The following PSMA1 variants were observed in gnomAD, a reference collection of about 807,000 sequenced individuals.
The protein encoded by PSMA1 is proteasome subunit alpha type-1.
Under a neutral mutation model 38.4 loss-of-function variants are expected in PSMA1, and 3 were observed. That is an observed-to-expected ratio of 0.08 (90% CI 0.04 to 0.20). The LOEUF is 0.20. PSMA1 is among the 10% of genes least tolerant of loss of function. The pLI is 1.00. For synonymous variants in PSMA1, 101 were observed against 107.1 expected (o/e 0.94, Z 0.35); for missense variants, 227 against 325.3 (o/e 0.70, Z 2.32).
In PSMA1 at chr11:14,606,420, G is replaced by GAAAAAGAA. The variant is rs1239983759; in HGVS notation, c.21+4538_21+4545dup. Among the ~76,000 whole-genome samples the GAAAAAGAA allele has an allele frequency of 2.8e-5, 4 of 141,414 alleles. No homozygotes were observed. The South Asian group carries it at 8.9e-4, about 31-fold the overall frequency. The allele number at this position is 141,414 out of a possible 152,430, so 92.8% of individuals were successfully genotyped here. On this transcript the variant is annotated intron_variant, in intron 2 of 10. Transcript: ENST00000418988. ...CTACAGAGTGAGACCCTGTCTGAAT[G>GAAAAAGAA]AAAAAGAAAAAAAGAAAAAAAAAAA... is the stretch of plus-strand genomic sequence containing the variant.
chr11:14,593,659 A>G (rs1009337728), intron 2 of PSMA1, among the ~76,000 whole-genome samples: 1 of 131,652 alleles, frequency 7.6e-6, no homozygotes, highest in East Asian at 2.1e-4. Context: ...AGAGAGAGAG[A>G]GAGCGCCAGC....
chr11:14,543,682 G>A (rs1015873558), intron 2 of PSMA1, among the ~76,000 whole-genome samples: 12 of 152,172 alleles, frequency 7.9e-5, no homozygotes, highest in African/African-American at 2.9e-4. Flanking sequence ...TTTACATACA[G>A]TAAGTCCTCA....
intron 2 of PSMA1, among the ~76,000 whole-genome samples, chr11:14,549,700 CA>C (rs369153742): frequency 0.22 from 16,572 of 74,410 alleles, 976 homozygotes; most frequent in African/African-American, 0.31. Flanking sequence ...GACTCCATCT[CA>C]AAAAAAAAAA....
chr11:14,514,153 C>T (rs990558456), intron 5 of PSMA1: 2 of 1,329,312 alleles, frequency 1.5e-6, no homozygotes, highest in African/African-American at 3.1e-5. Flanking sequence ...TTTCTTGGGA[C>T]ATCTAGAACC....
chr11:14,507,601 G>C (rs1412455461), intron 9 of PSMA1, 55 bp downstream of exon 9: 36 of 1,200,466 alleles, frequency 3.0e-5, no homozygotes, highest in South Asian at 1.3e-5. Flanking sequence ...ACACAGTTGT[G>C]GTAAGAACAG....
intron 2 of PSMA1, among the ~76,000 whole-genome samples, chr11:14,578,291 G>A (rs1408352811): frequency 1.3e-5 from 2 of 152,108 alleles, no homozygotes; most frequent in African/African-American, 4.8e-5. Context: ...TGTCCTGCTG[G>A]CCTTGGTTAG....
intron 1 of PSMA1, among the ~76,000 whole-genome samples, chr11:14,638,028 G>A (rs1853132175): frequency 6.6e-6 from 1 of 152,206 alleles, no homozygotes; most frequent in Non-Finnish European, 1.5e-5. Context: ...TCTACTCATT[G>A]TTAGTTACCT....
chr11:14,589,792 G>C (rs1431233440), intron 2 of PSMA1, among the ~76,000 whole-genome samples: 3 of 152,148 alleles, frequency 2.0e-5, no homozygotes, highest in Non-Finnish European at 4.4e-5. Context: ...GGGTTAATCA[G>C]AAGTCAACAT....
chr11:14,542,278 T>A (rs1589987819), intron 2 of PSMA1, among the ~76,000 whole-genome samples: 1 of 152,350 alleles, frequency 6.6e-6, no homozygotes, highest in East Asian at 1.9e-4. Flanking sequence ...ATGGCTCAGT[T>A]ACATGCTTGG....
intron 9 of PSMA1, among the ~76,000 whole-genome samples, chr11:14,506,385 A>C (rs1851245399): frequency 6.6e-6 from 1 of 152,094 alleles, no homozygotes; most frequent in Admixed American, 6.6e-5. Context: ...TCTTCCCAAC[A>C]GTGCTAGTTT....
intron 2 of PSMA1, among the ~76,000 whole-genome samples, chr11:14,540,967 A>C (rs910367918): frequency 6.6e-6 from 1 of 152,158 alleles, no homozygotes; most frequent in Non-Finnish European, 1.5e-5. Context: ...GAGGGATAGC[A>C]TTCGGAGATA....
intron 2 of PSMA1, among the ~76,000 whole-genome samples, chr11:14,594,974 G>A: frequency 7.0e-6 from 1 of 143,388 alleles, no homozygotes; most frequent in Non-Finnish European, 1.5e-5. Flanking sequence ...TGATCTCATT[G>A]TTCAATTCCC....
intron 1 of PSMA1, among the ~76,000 whole-genome samples, chr11:14,629,932 T>TGTGAATG (rs1852976526): frequency 6.6e-6 from 1 of 152,044 alleles, no homozygotes; most frequent in Non-Finnish European, 1.5e-5. Context: ...TTGAAGCAAC[T>TGTGAATG]GTGAATGGGA....
chr11:14,635,524 A>G (rs139855204), intron 1 of PSMA1, among the ~76,000 whole-genome samples: 50 of 152,336 alleles, frequency 3.3e-4, no homozygotes, highest in South Asian at 6.2e-4. Flanking sequence ...TTTTGCCTGA[A>G]TTATCTGACT....
intron 1 of PSMA1, among the ~76,000 whole-genome samples, chr11:14,633,093 T>C (rs1269382868): frequency 2.6e-5 from 4 of 152,110 alleles, no homozygotes; most frequent in Admixed American, 6.5e-5. Context: ...TGTCCTCCCA[T>C]AGCTCAGAGT....
At chr11:14,558,155 G>A (rs529990232) in intron 2 of PSMA1, among the ~76,000 whole-genome samples, 213 of 145,678 alleles carry the variant, frequency 1.5e-3, no homozygotes, top group Non-Finnish European at 3.0e-4. Context: ...GCTCACGGCT[G>A]TAATCCCAGC....
intron 1 of PSMA1, among the ~76,000 whole-genome samples, chr11:14,638,846 G>C (rs1341156412): frequency 2.0e-5 from 3 of 151,136 alleles, no homozygotes; most frequent in Non-Finnish European, 4.4e-5. Flanking sequence ...TGATCCTTCA[G>C]ATCTGCTGGG....
intron 2 of PSMA1, among the ~76,000 whole-genome samples, chr11:14,561,849 CT>C: frequency 6.6e-6 from 1 of 151,198 alleles, no homozygotes; most frequent in Non-Finnish European, 1.5e-5. Flanking sequence ...CTAAACTAAA[CT>C]AAACTAAACT....
intron 2 of PSMA1, among the ~76,000 whole-genome samples, chr11:14,531,056 G>A (rs1410686692): frequency 6.6e-6 from 1 of 152,032 alleles, no homozygotes; most frequent in Non-Finnish European, 1.5e-5. Context: ...AATATTTATA[G>A]GAAAATTGTG....
Sources: allele counts gnomAD v4.1 joint callset (sites outside exome capture counted in the v4.1 genomes callset), GRCh38; gene constraint gnomAD v4.1.1; transcripts MANE v1.5; gene names NCBI Gene and HGNC (gene_info 2026-07-23, HGNC 2026-07-21).